The following DDX10 variants were observed in gnomAD, a reference collection of about 807,000 sequenced individuals.
DDX10 encodes DEAD-box helicase 10, also known as probable ATP-dependent RNA helicase DDX10.
In DDX10, 74 loss-of-function variants were observed where a neutral mutation model predicts 104.3. That is an observed-to-expected ratio of 0.71 (90% CI 0.59 to 0.86). The LOEUF (loss-of-function observed/expected upper bound fraction) is 0.86, where lower values mean the gene tolerates loss of function less well. Among genes scored for constraint, DDX10 ranks in the 40% least tolerant of loss-of-function variants. DDX10 has a pLI of 0.00. For missense variants in DDX10, 952 were observed against 1,040.0 expected (o/e 0.92, Z 1.16); for synonymous variants, 351 against 353.4 (o/e 0.99, Z 0.08).
chr11:108,915,447 GTTTTT>G (rs34587206), intron 16 of DDX10, among the ~76,000 whole-genome samples: 6 of 141,692 alleles, frequency 4.2e-5, no homozygotes, highest in East Asian at 2.1e-4. Context: ...TTTTTTTTTG[GTTTTT>G]TTTTTTTTGT....
intron 16 of DDX10, among the ~76,000 whole-genome samples, chr11:108,862,419 T>C (rs1346753228): frequency 6.6e-6 from 1 of 152,228 alleles, no homozygotes; most frequent in African/African-American, 2.4e-5. Flanking sequence ...ATAAAAGATA[T>C]TATGGATAAC....
chr11:108,866,643 A>G (rs1215134607), intron 16 of DDX10, among the ~76,000 whole-genome samples: 1 of 152,212 alleles, frequency 6.6e-6, no homozygotes, highest in African/African-American at 2.4e-5. Context: ...AAGAACTAAG[A>G]TCTGTAATAG....
At chr11:108,923,530 T>A (rs181259838) in intron 17 of DDX10, among the ~76,000 whole-genome samples, 7 of 152,226 alleles carry the variant, frequency 4.6e-5, no homozygotes, top group Non-Finnish European at 1.0e-4. Context: ...CTTCCATCCA[T>A]TCTTTCAACT....
intron 13 of DDX10, 57 bp from the exon 14 acceptor site, chr11:108,838,389 T>C: frequency 6.4e-7 from 1 of 1,564,182 alleles, no homozygotes; most frequent in Non-Finnish European, 8.6e-7. Flanking sequence ...AGTTGGATTG[T>C]TAATATAAAG....
At chr11:108,939,035 T>A (rs1864070556) in intron 17 of DDX10, among the ~76,000 whole-genome samples, 1 of 152,190 alleles carries the variant, frequency 6.6e-6, no homozygotes, top group African/African-American at 2.4e-5. Flanking sequence ...AAGGGAGTAG[T>A]TTTTAGAAAG....
intron 13 of DDX10, among the ~76,000 whole-genome samples, chr11:108,770,494 C>A (rs71489920): frequency 7.1e-6 from 1 of 140,224 alleles, no homozygotes; most frequent in Non-Finnish European, 1.6e-5. Flanking sequence ...CCCCCTCCCC[C>A]CTCCCCCCTG....
At chr11:108,798,498 T>G (rs942287691) in intron 13 of DDX10, among the ~76,000 whole-genome samples, 1 of 152,216 alleles carries the variant, frequency 6.6e-6, no homozygotes. Flanking sequence ...TGCTTTCTGT[T>G]TCTATGAATT....
intron 13 of DDX10, among the ~76,000 whole-genome samples, chr11:108,836,250 T>A (rs1862554238): frequency 6.6e-6 from 1 of 152,202 alleles, no homozygotes; most frequent in Non-Finnish European, 1.5e-5. Context: ...GAGAAATAAA[T>A]GTAACTAGAT....
chr11:108,893,545 A>T (rs966672926), intron 16 of DDX10, among the ~76,000 whole-genome samples: 1 of 151,918 alleles, frequency 6.6e-6, no homozygotes, highest in Non-Finnish European at 1.5e-5. Context: ...ATTATGCACC[A>T]TGTTTGTGTT....
chr11:108,828,658 T>C (rs1862429341), intron 13 of DDX10, among the ~76,000 whole-genome samples: 1 of 152,216 alleles, frequency 6.6e-6, no homozygotes, highest in African/African-American at 2.4e-5. Context: ...AGACTATAGC[T>C]CCGTCGCCCA....
intron 13 of DDX10, among the ~76,000 whole-genome samples, chr11:108,774,281 A>C (rs1312708318): frequency 6.6e-6 from 1 of 152,210 alleles, no homozygotes; most frequent in Non-Finnish European, 1.5e-5. Flanking sequence ...TCTTGTGGGC[A>C]TTGCCCTTTG....
intron 1 of DDX10, among the ~76,000 whole-genome samples, chr11:108,671,223 G>T (rs895200864): frequency 3.3e-5 from 5 of 152,240 alleles, no homozygotes; most frequent in African/African-American, 4.8e-5. Flanking sequence ...GAGTGCAGTG[G>T]CTCTATCTCT....
intron 6 of DDX10, 88 bp from the exon 7 acceptor site, chr11:108,688,848 A>G: frequency 7.1e-7 from 1 of 1,416,582 alleles, no homozygotes; most frequent in Non-Finnish European, 9.6e-7. Flanking sequence ...GAGATGTGCC[A>G]CTATTAAAAC....
At chr11:108,705,229 A>G (rs2094274149) in intron 9 of DDX10, among the ~76,000 whole-genome samples, 1 of 151,322 alleles carries the variant, frequency 6.6e-6, no homozygotes, top group Admixed American at 6.6e-5. Flanking sequence ...TCTGGCTTCC[A>G]CTCCCTTGTT....
chr11:108,867,811 TTTAAA>T (rs1203073631), intron 16 of DDX10, among the ~76,000 whole-genome samples: 1 of 152,122 alleles, frequency 6.6e-6, no homozygotes, highest in Non-Finnish European at 1.5e-5. Context: ...ATATCATGAC[TTTAAA>T]ACACAGTGGC....
intron 13 of DDX10, among the ~76,000 whole-genome samples, chr11:108,803,517 C>T (rs1408665773): frequency 4.0e-5 from 6 of 150,442 alleles, no homozygotes; most frequent in Non-Finnish European, 8.8e-5. Flanking sequence ...TTGCTTGAAC[C>T]CAGGAGGCAG....
At chr11:108,938,972 ATTTT>A (rs377693363) in intron 17 of DDX10, among the ~76,000 whole-genome samples, 1 of 152,046 alleles carries the variant, frequency 6.6e-6, no homozygotes, top group Non-Finnish European at 1.5e-5. Flanking sequence ...TATTTCTGTG[ATTTT>A]TTTATTTATT....
At chr11:108,837,858 G>C (rs1300508432) in intron 13 of DDX10, among the ~76,000 whole-genome samples, 1 of 151,764 alleles carries the variant, frequency 6.6e-6, no homozygotes, top group African/African-American at 2.4e-5. Context: ...CATGACCTCA[G>C]GTGATCCACC....
At chr11:108,759,179 A>G (rs2094347842) in intron 13 of DDX10, among the ~76,000 whole-genome samples, 2 of 152,120 alleles carry the variant, frequency 1.3e-5, no homozygotes, top group Admixed American at 6.6e-5. Context: ...TAATTAACCC[A>G]TTTATCTCAG....
Sources: allele counts gnomAD v4.1 joint callset (sites outside exome capture counted in the v4.1 genomes callset), GRCh38; gene constraint gnomAD v4.1.1; transcripts MANE v1.5; gene names NCBI Gene and HGNC (gene_info 2026-07-23, HGNC 2026-07-21).